The following PARD3 variants were observed in gnomAD, a reference collection of about 807,000 sequenced individuals.
PARD3 encodes partitioning defective 3 homolog.
In PARD3, 75 loss-of-function variants were observed where a neutral mutation model predicts 155.4. That is an observed-to-expected ratio of 0.48 (90% confidence interval 0.40 to 0.58). PARD3 has a LOEUF of 0.58. Ranked by LOEUF, PARD3 falls within the 20% of genes least tolerant of loss-of-function variation. The pLI is 0.00. For missense variants in PARD3, 1,642 were observed against 1,721.7 expected (o/e 0.95, Z 0.82); for synonymous variants, 576 against 610.5 (o/e 0.94, Z 0.83).
intron 3 of PARD3, among the ~76,000 whole-genome samples, chr10:34,484,896 A>G (rs949841978): frequency 6.6e-6 from 1 of 152,212 alleles, no homozygotes; most frequent in Non-Finnish European, 1.5e-5. Context: ...CGTGGCTGCC[A>G]GATCGTGTCA....
chr10:34,582,442 T>C (rs1348545712), intron 2 of PARD3, among the ~76,000 whole-genome samples: 1 of 152,186 alleles, frequency 6.6e-6, no homozygotes, highest in African/African-American at 2.4e-5. Context: ...GGTTAGAAAA[T>C]GACTCATGGG....
intron 22 of PARD3, among the ~76,000 whole-genome samples, chr10:34,242,891 C>T (rs947348972): frequency 1.3e-5 from 2 of 152,110 alleles, no homozygotes; most frequent in Non-Finnish European, 2.9e-5. Flanking sequence ...GCTGAGATCA[C>T]ACTATTGCAC....
At chr10:34,473,082 G>A (rs1047515810) in intron 3 of PARD3, among the ~76,000 whole-genome samples, 2 of 152,152 alleles carry the variant, frequency 1.3e-5, no homozygotes, top group Non-Finnish European at 2.9e-5. Context: ...TGTCTCTTAT[G>A]GTGGGTGATG....
intron 14 of PARD3, among the ~76,000 whole-genome samples, chr10:34,358,313 T>G (rs553146830): frequency 6.6e-6 from 1 of 152,314 alleles, no homozygotes; most frequent in African/African-American, 2.4e-5. Context: ...TAGATGATCC[T>G]ACCTTTCAAG....
Position 34,336,254 on chromosome 10 carries a change from G to T in PARD3, c.2561-11C>A. 1 of 1,608,032 alleles carries T rather than the reference G, an allele frequency of 6.2e-7. No individual in the cohort carries two copies. Among genetic ancestry groups the T allele is most frequent in the Non-Finnish European group, 8.5e-7 (1 of 1,174,962 alleles). ...TAGTCTCGTCAGCTACTGTTAAAAG[G>T]TAAATGTATAATAGTTAGCCCAGTT... On this transcript the variant is annotated splice_polypyrimidine_tract_variant and intron_variant, in intron 17 of 24. Transcript: ENST00000374788.
chr10:34,785,122 G>A (rs754910470), intron 1 of PARD3, among the ~76,000 whole-genome samples: 2 of 152,228 alleles, frequency 1.3e-5, no homozygotes, highest in East Asian at 1.9e-4. Context: ...TTCTAAGGAC[G>A]ATTACAGGGA....
At position 34,110,034 on chromosome 10, in the gene PARD3, G is replaced by C. The variant is rs576345365; in HGVS notation, c.*1135C>G. 2 of 151,980 alleles carry C rather than the reference G, an allele frequency of 1.3e-5. No individual in the cohort carries two copies. The highest frequency in any genetic ancestry group is 3.9e-4 in the East Asian group (2 of 5,124). The allele number at this position is 151,980 out of a possible 1,614,324, so 9.4% of individuals were successfully genotyped here. ...CACACACTCTAATACTGACGCGAGA[G>C]TGAGCTTCCTGCCACCACCGCTGTG... is the stretch of plus-strand genomic sequence containing the variant. On this transcript the variant is annotated 3_prime_UTR_variant, in exon 25 of 25. Coordinates refer to ENST00000374788, the MANE Select transcript of PARD3 (RefSeq NM_001184785.2).
intron 1 of PARD3, among the ~76,000 whole-genome samples, chr10:34,718,828 G>C (rs983301469): frequency 1.3e-5 from 2 of 152,058 alleles, no homozygotes; most frequent in Non-Finnish European, 2.9e-5. Context: ...GCCGGGCGTG[G>C]TGGCAGGTGC....
intron 2 of PARD3, among the ~76,000 whole-genome samples, chr10:34,682,725 A>G (rs2093867944): frequency 6.6e-6 from 1 of 151,966 alleles, no homozygotes; most frequent in African/African-American, 2.4e-5. Flanking sequence ...CATCTTAAAT[A>G]AGCAAACAAA....
chr10:34,782,928 T>C (rs1017686721), intron 1 of PARD3, among the ~76,000 whole-genome samples: 8 of 152,086 alleles, frequency 5.3e-5, no homozygotes, highest in Admixed American at 6.5e-5. Flanking sequence ...TTTCACCATG[T>C]TGGCCAGGCT....
At chr10:34,247,479 G>A (rs1358752677) in intron 22 of PARD3, among the ~76,000 whole-genome samples, 3 of 152,140 alleles carry the variant, frequency 2.0e-5, no homozygotes, top group Non-Finnish European at 4.4e-5. Flanking sequence ...TCCAGCCTGC[G>A]TGACACAGCG....
At chr10:34,218,353 C>A (rs541156692) in intron 22 of PARD3, among the ~76,000 whole-genome samples, 1 of 152,266 alleles carries the variant, frequency 6.6e-6, no homozygotes, top group South Asian at 2.1e-4. Flanking sequence ...CCAGAAAAAT[C>A]TCATAATCAA....
intron 23 of PARD3, among the ~76,000 whole-genome samples, chr10:34,121,886 T>C (rs896275734): frequency 6.6e-6 from 1 of 152,224 alleles, no homozygotes; most frequent in Admixed American, 6.5e-5. Flanking sequence ...AACACATCAG[T>C]GAGGCCTTCA....
In PARD3 at chr10:34,269,031, T is replaced by G. The variant is rs182285506; in HGVS notation, c.3419+626A>C. 4.1e-4 allele frequency among the ~76,000 whole-genome samples: 62 copies of G among 152,298 alleles called. 2 individuals are homozygous for G. The highest frequency in any genetic ancestry group is 4.1e-3 in the Admixed American group (62 of 15,298). On this transcript the variant is annotated intron_variant, in intron 22 of 24. Coordinates refer to ENST00000374788, the MANE Select transcript of PARD3 (RefSeq NM_001184785.2). The stretch of plus-strand genomic sequence containing the variant: ...CCTGACATGATCATTACACATTCTA[T>G]GCATGTAAAAATTACTCACATGTAT...
chr10:34,588,963 T>C (rs186129616), intron 2 of PARD3, among the ~76,000 whole-genome samples: 86 of 152,326 alleles, frequency 5.6e-4, no homozygotes, highest in African/African-American at 2.0e-3. Flanking sequence ...ACAGGCTCCA[T>C]GGCTCATGCC....
intron 1 of PARD3, among the ~76,000 whole-genome samples, chr10:34,789,248 A>G (rs1452037769): frequency 6.6e-6 from 1 of 151,948 alleles, no homozygotes; most frequent in African/African-American, 2.4e-5. Context: ...GCCATGAAGA[A>G]TTGTGCCGCA....
In PARD3 at chr10:34,457,693, C is replaced by T. The variant is rs149940773; in HGVS notation, c.583-7245G>A. 3.1e-3 allele frequency among the ~76,000 whole-genome samples: 473 copies of T among 152,134 alleles called. 2 individuals are homozygous for T. Among genetic ancestry groups the T allele is most frequent in the African/African-American group, 0.011 (449 of 41,530 alleles). On this transcript the variant is annotated intron_variant, in intron 4 of 24. Transcript: ENST00000374788. ...TTGGCTCACTGCAACCTCCACCTCC[C>T]GGGCTCAAGCGATCCTCCCATCTCA... is the stretch of plus-strand genomic sequence containing the variant.
rs775529214 is a variant in PARD3 at position 34,401,828 on chromosome 10, C to T, written c.804G>A (p.Leu268=). 1.9e-6 allele frequency: 3 copies of T among 1,605,112 alleles called. No homozygotes were observed. Among genetic ancestry groups the T allele is most frequent in the Admixed American group, 1.7e-5 (1 of 59,942 alleles). Reference sequence around the variant, plus strand: ...AGTTGAAACCATCAGTAACTTACTCCAGAGAAAAGTTGGGTATATGCTCCA... The same window carrying T: ...AGTTGAAACCATCAGTAACTTACTCTAGAGAAAAGTTGGGTATATGCTCCA... ...TGLEHIPNFS[L]DDMVKLVEVP... The change falls in exon 6 of 25, where the codon CTG becomes CTA. Residue 268 remains leucine, a splice_region_variant and synonymous_variant. Coordinates refer to ENST00000374788, the MANE Select transcript of PARD3 (RefSeq NM_001184785.2).
chr10:34,320,987 T>C (rs571419086), intron 19 of PARD3, among the ~76,000 whole-genome samples: 2 of 152,350 alleles, frequency 1.3e-5, no homozygotes, highest in Admixed American at 6.5e-5. Flanking sequence ...TACTGAATTA[T>C]ATATACTTCA....
Sources: gnomAD v4.1 joint callset for allele counts (sites outside exome capture counted in the v4.1 genomes callset) on GRCh38, gnomAD v4.1.1 for gene constraint, MANE v1.5 for transcripts, NCBI Gene and HGNC (gene_info 2026-07-23, HGNC 2026-07-21) for gene names.